Variants in ARAP2 observed in about 807,000 individuals in gnomAD.
ARAP2 encodes ArfGAP with RhoGAP domain, ankyrin repeat and PH domain 2, also known as arf-GAP with Rho-GAP domain, ANK repeat and PH domain-containing protein 2.
ARAP2 carries 148 observed loss-of-function variants against 194.5 expected under a neutral mutation model. The ratio of observed to expected loss-of-function variants is 0.76; its 90% CI spans 0.67 to 0.87. ARAP2 has a LOEUF of 0.87. Among genes scored for constraint, ARAP2 ranks in the 40% least tolerant of loss-of-function variants. ARAP2 has a pLI of 0.00. For synonymous variants in ARAP2, 695 were observed against 683.5 expected (o/e 1.02, Z -0.26); for missense variants, 2,128 against 1,989.7 (o/e 1.07, Z -1.32).
intron 6 of ARAP2, among the ~76,000 whole-genome samples, chr4:36,196,102 G>A (rs567209046): frequency 1.2e-4 from 19 of 152,232 alleles, no homozygotes; most frequent in African/African-American, 4.3e-4. Context: ...TTCAGAACAC[G>A]CAGAATTAAA....
chr4:36,099,900 A>C (rs1180913477), intron 27 of ARAP2, among the ~76,000 whole-genome samples: 1 of 152,122 alleles, frequency 6.6e-6, no homozygotes, highest in Non-Finnish European at 1.5e-5. Context: ...GAGGGAGGAC[A>C]TAATTTTTCT....
intron 1 of ARAP2, among the ~76,000 whole-genome samples, chr4:36,237,437 A>T (rs1359060543): frequency 6.6e-6 from 1 of 152,162 alleles, no homozygotes; most frequent in Non-Finnish European, 1.5e-5. Context: ...GTCTAGCAGG[A>T]GGGGACCTCG....
intron 27 of ARAP2, among the ~76,000 whole-genome samples, chr4:36,103,558 T>C (rs1717589853): frequency 6.6e-6 from 1 of 151,754 alleles, no homozygotes. Flanking sequence ...AATAGTTCAG[T>C]CATAATATAT....
chr4:36,088,963 T>C (rs898859829), intron 28 of ARAP2, among the ~76,000 whole-genome samples: 5 of 152,112 alleles, frequency 3.3e-5, no homozygotes, highest in African/African-American at 1.2e-4. Flanking sequence ...AAAAGTATTT[T>C]CCAGGTCCTG....
chr4:36,073,208 A>G (rs545325945), intron 32 of ARAP2, among the ~76,000 whole-genome samples: 107 of 152,244 alleles, frequency 7.0e-4, no homozygotes, highest in African/African-American at 2.4e-3. Context: ...TTCATGAAAG[A>G]TGCCAAATCT....
chr4:36,039,432 T>G (rs1248931363), intron 5 of ARAP2, among the ~76,000 whole-genome samples: 2 of 152,222 alleles, frequency 1.3e-5, no homozygotes. Flanking sequence ...GGCATGTTCC[T>G]GCTTAAGCCT....
At position 36,133,395 on chromosome 4, in the gene ARAP2, A is replaced by C; in HGVS notation, c.3264-6T>G. On this transcript the variant is annotated splice_polypyrimidine_tract_variant and splice_region_variant and intron_variant, in intron 19 of 32. Coordinates refer to ENST00000303965, the MANE Select transcript of ARAP2 (RefSeq NM_015230.4). ...GCCCATGGATGTATAATGTTCTGTA[A>C]AGTTTAAAAAGCATTTCAAATTATA... The C allele has an allele frequency of 2.5e-6, 4 of 1,597,770 alleles. No individual in the cohort carries two copies. Among genetic ancestry groups the C allele is most frequent in the Non-Finnish European group, 3.4e-6 (4 of 1,172,854 alleles).
intron 2 of ARAP2, 78 bp from the exon 3 acceptor site, chr4:36,214,558 A>C: frequency 3.4e-6 from 3 of 888,520 alleles, no homozygotes; most frequent in Non-Finnish European, 4.9e-6. Flanking sequence ...TTATTAGAAA[A>C]TATTATGAGA....
chr4:36,107,733 A>G (rs2109467013), intron 26 of ARAP2, 40 bp from the exon 27 acceptor site: 1 of 1,544,074 alleles, frequency 6.5e-7, no homozygotes, highest in East Asian at 2.3e-5. Flanking sequence ...AAAATATATG[A>G]GGATAACAAT....
chr4:36,050,588 T>C lies in ARAP2; in HGVS notation n.369+1418A>G, dbSNP rs577979602. 3.9e-5 allele frequency among the ~76,000 whole-genome samples: 6 copies of C among 152,330 alleles called. No homozygotes were observed. The East Asian group carries it at 7.7e-4, about 20-fold the overall frequency. ...TTTAAATAAGTGTTTCAAGAAAGCA[T>C]TGATTTTATTTAAGGCAGTATTGAA... is the stretch of plus-strand genomic sequence containing the variant. On this transcript the variant is annotated intron_variant and non_coding_transcript_variant, in intron 3 of 12. Transcript: ENST00000503225.
At chr4:36,009,893 G>C (rs984901810) in intron 9 of ARAP2, among the ~76,000 whole-genome samples, 1 of 117,160 alleles carries the variant, frequency 8.5e-6, no homozygotes, top group Non-Finnish European at 1.8e-5. Flanking sequence ...CGGGGGGTAG[G>C]GGGGTGGAAT....
At chr4:36,226,155 GAA>G in intron 2 of ARAP2, among the ~76,000 whole-genome samples, 1 of 145,178 alleles carries the variant, frequency 6.9e-6, no homozygotes, top group East Asian at 2.0e-4. Context: ...AAAATCACAT[GAA>G]AAAAAAAACA....
chr4:36,119,706 G>T lies in ARAP2; in HGVS notation c.3907C>A (p.Gln1303Lys). 1 of 1,601,184 alleles carries T rather than the reference G, an allele frequency of 6.2e-7. No individual in the cohort carries two copies. Among genetic ancestry groups the T allele is most frequent in the Non-Finnish European group, 8.5e-7 (1 of 1,170,320 alleles). Reference protein sequence around the residue: ...YVEIFEVKEDQVKQMDIENSF... With the variant: ...YVEIFEVKEDKVKQMDIENSF... ...TTTTCTATGTCCATTTGTTTGACTT[G>T]ATCTTCTTTAACCTGTTTAAAATAT... The change falls in exon 24 of 33, where the codon CAA becomes AAA. Residue 1303 changes from glutamine to lysine, a missense_variant. Physicochemically the swap from Gln to Lys is moderately conservative, Grantham distance 53. Transcript: ENST00000303965.
In ARAP2 at chr4:36,228,825, C is replaced by T. The variant is rs1352627169; in HGVS notation, c.662G>A (p.Gly221Asp). The T allele has an allele frequency of 6.2e-7, 1 of 1,614,098 alleles. No homozygotes were observed. Among genetic ancestry groups the T allele is most frequent in the Admixed American group, 1.7e-5 (1 of 59,996 alleles). ...NADSECLSFVGCSTSGTNSGN... is the reference protein window; with the variant it reads ...NADSECLSFVDCSTSGTNSGN... ...AGAATTTGTTCCTGATGTTGAACAGCCAACAAAAGAAAGGCATTCAGAGTC... is the reference window on the plus strand; with the variant it reads ...AGAATTTGTTCCTGATGTTGAACAGTCAACAAAAGAAAGGCATTCAGAGTC... The change falls in exon 2 of 33, where the codon GGC (glycine) becomes GAC (aspartate). Residue 221 changes from glycine (G) to aspartate (D), a missense_variant. Coordinates refer to ENST00000303965, the MANE Select transcript of ARAP2 (RefSeq NM_015230.4).
intron 19 of ARAP2, among the ~76,000 whole-genome samples, chr4:36,146,855 GATGCACAGT>G (rs1436551409): frequency 2.0e-5 from 3 of 152,104 alleles, no homozygotes; most frequent in African/African-American, 7.2e-5. Context: ...AAGAGTCCCT[GATGCACAGT>G]AGATGCTTAA....
chr4:36,129,919 T>C (rs894561405), intron 20 of ARAP2, among the ~76,000 whole-genome samples: 2 of 151,898 alleles, frequency 1.3e-5, no homozygotes, highest in Admixed American at 6.6e-5. Flanking sequence ...CCCTGTTTAC[T>C]ACCTCACCTT....
In ARAP2 at chr4:36,229,525, G is replaced by T. The variant is rs1183951124; in HGVS notation, c.-39C>A. On this transcript the variant is annotated 5_prime_UTR_variant, in exon 2 of 33. Coordinates refer to ENST00000303965, the MANE Select transcript of ARAP2 (RefSeq NM_015230.4). Reference sequence around the variant, plus strand: ...TTACTAAGCTGAGTTACAAAAAGTGGCACGATGAGACACACACACAAGAAG... The same window carrying T: ...TTACTAAGCTGAGTTACAAAAAGTGTCACGATGAGACACACACACAAGAAG... The T allele has an allele frequency of 6.7e-7, 1 of 1,501,648 alleles. No individual in the cohort carries two copies. Among genetic ancestry groups the T allele is most frequent in the African/African-American group, 1.4e-5 (1 of 71,836 alleles). 93.0% of individuals were successfully genotyped at this position (1,501,648 alleles called of 1,614,324 possible). A position where few individuals can be genotyped will look rare whatever the true frequency, so the allele number is the denominator to read the frequency against.
chr4:36,129,478 A>AT (rs2109591453), intron 20 of ARAP2, among the ~76,000 whole-genome samples: 1 of 151,944 alleles, frequency 6.6e-6, no homozygotes, highest in Non-Finnish European at 1.5e-5. Flanking sequence ...AATATTAACA[A>AT]TGTTCTTTTT....
chr4:36,093,162 C>T (rs1258636651), intron 27 of ARAP2, among the ~76,000 whole-genome samples: 2 of 151,820 alleles, frequency 1.3e-5, no homozygotes, highest in South Asian at 2.1e-4. Flanking sequence ...GATGAGAACA[C>T]GTGGACACAT....
Sources: gnomAD v4.1 joint callset for allele counts (sites outside exome capture counted in the v4.1 genomes callset) on GRCh38, gnomAD v4.1.1 for gene constraint, MANE v1.5 for transcripts, NCBI Gene and HGNC (gene_info 2026-07-23, HGNC 2026-07-21) for gene names.